TRPM3: variants seen among roughly 807,000 people sequenced by gnomAD.
TRPM3 encodes transient receptor potential cation channel subfamily M member 3.
In TRPM3, 77 loss-of-function variants were observed where a neutral mutation model predicts 181.2. The ratio of observed to expected loss-of-function variants is 0.42; its 90% CI spans 0.35 to 0.51. The LOEUF (loss-of-function observed/expected upper bound fraction) is 0.51. Ranked by LOEUF, TRPM3 falls within the 20% of genes least tolerant of loss-of-function variation. The pLI, the probability that TRPM3 is intolerant of heterozygous loss-of-function variation, is 0.01. For missense variants in TRPM3, 1,759 were observed against 2,196.7 expected (o/e 0.80, Z 3.98); for synonymous variants, 745 against 796.4 (o/e 0.94, Z 1.09).
chr9:71,398,979 C>G (rs2093268820), intron 1 of TRPM3, among the ~76,000 whole-genome samples: 1 of 151,984 alleles, frequency 6.6e-6, no homozygotes, highest in East Asian at 1.9e-4. Flanking sequence ...TACTATTAAT[C>G]AGTAAAATGA....
chr9:71,370,682 T>A (rs922367490), intron 1 of TRPM3, among the ~76,000 whole-genome samples: 3 of 152,206 alleles, frequency 2.0e-5, no homozygotes, highest in South Asian at 2.1e-4. Context: ...CAAGTGCCAA[T>A]GTAGAAGCTG....
chr9:70,925,553 C>A (rs1486743552), intron 1 of TRPM3, among the ~76,000 whole-genome samples: 1 of 151,768 alleles, frequency 6.6e-6, no homozygotes, highest in African/African-American at 2.4e-5. Flanking sequence ...TATATATATC[C>A]TCCTGTCTAT....
intron 20 of TRPM3, among the ~76,000 whole-genome samples, chr9:70,602,106 C>CTTTTTTTTTTTT: frequency 7.8e-6 from 1 of 128,202 alleles, no homozygotes; most frequent in South Asian, 2.4e-4. Context: ...CAAGGCATTC[C>CTTTTTTTTTTTT]TTTTTTTTTT....
At chr9:70,576,627 G>A (rs1317189337) in intron 22 of TRPM3, among the ~76,000 whole-genome samples, 2 of 151,366 alleles carry the variant, frequency 1.3e-5, no homozygotes, top group Admixed American at 6.6e-5. Flanking sequence ...TGGTTTTCCT[G>A]CCTCAGTCTC....
At chr9:71,275,356 TA>T (rs2084116470) in intron 1 of TRPM3, among the ~76,000 whole-genome samples, 1 of 152,242 alleles carries the variant, frequency 6.6e-6, no homozygotes, top group African/African-American at 2.4e-5. Flanking sequence ...GTGAAAATTG[TA>T]ACATTTTATT....
Position 70,846,529 on chromosome 9 carries a change from C to T in TRPM3, c.525G>A (p.Trp175Ter), listed in dbSNP as rs1246650965. The stretch of plus-strand genomic sequence containing the variant: ...TGAGAAGCTTGGGAAGCTCCAACTG[C>T]CATTCCTTGGTCATCAGGTGTAAGA... ...DLLLHLMTKE[W>*]QLELPKLLIS... Residue 175 changes from tryptophan (W) to a stop codon, truncating the protein, a stop_gained, in exon 4 of 26, where the codon TGG becomes TGA. Transcript: ENST00000677713. LOFTEE classifies it high-confidence loss of function. 3 of 1,614,132 alleles carry T rather than the reference C, an allele frequency of 1.9e-6. No individual in the cohort carries two copies. Among genetic ancestry groups the T allele is most frequent in the Non-Finnish European group, 2.5e-6 (3 of 1,180,018 alleles).
In TRPM3 at chr9:70,610,726, C is replaced by G; in HGVS notation, c.2550G>C (p.Gly850=). 1 of 1,614,098 alleles carries G rather than the reference C, an allele frequency of 6.2e-7. No homozygotes were observed. Reference sequence around the variant, plus strand: ...CTTCATCCTTCTTCCTGGAGGACTCCCCGTTGTTTCGTCCCAACATTGCCT... The same window carrying G: ...CTTCATCCTTCTTCCTGGAGGACTCGCCGTTGTTTCGTCCCAACATTGCCT... The part of the protein sequence containing the change: ...ELTAMLGRNN[G]ESSRKKDEEE... The change falls in exon 19 of 26, where the codon GGG becomes GGC. Residue 850 remains glycine, a synonymous_variant. Coordinates refer to ENST00000677713, the MANE Select transcript of TRPM3 (RefSeq NM_001366145.2).
chr9:71,121,683 G>A, upstream of TRPM3: 2 of 1,085,378 alleles, frequency 1.8e-6, no homozygotes, highest in African/African-American at 1.6e-5. Context: ...GGGGAACCGG[G>A]GCCATTGCTT....
intron 8 of TRPM3, among the ~76,000 whole-genome samples, chr9:70,741,839 G>A (rs185491185): frequency 1.3e-5 from 2 of 152,234 alleles, no homozygotes; most frequent in East Asian, 1.9e-4. Context: ...TGGGAAGGGG[G>A]TGAGGGATAA....
chr9:70,578,414 C>A (rs1480464587), intron 22 of TRPM3, among the ~76,000 whole-genome samples: 1 of 151,854 alleles, frequency 6.6e-6, no homozygotes, highest in African/African-American at 2.4e-5. Context: ...AATTCTAAAT[C>A]ATAGGTTAAG....
At chr9:71,394,219 T>C (rs868857066) in intron 1 of TRPM3, among the ~76,000 whole-genome samples, 2 of 152,184 alleles carry the variant, frequency 1.3e-5, no homozygotes, top group South Asian at 4.1e-4. Flanking sequence ...AAATATTCTA[T>C]TATTGATGCA....
chr9:71,233,868 C>T (rs551384481), intron 1 of TRPM3, among the ~76,000 whole-genome samples: 29 of 152,292 alleles, frequency 1.9e-4, no homozygotes, highest in Admixed American at 5.9e-4. Flanking sequence ...GAATAAAATC[C>T]GGTTGACCTA....
intron 1 of TRPM3, among the ~76,000 whole-genome samples, chr9:71,434,372 C>A (rs73472662): frequency 0.019 from 2,941 of 152,164 alleles, 92 homozygotes; most frequent in African/African-American, 0.067. Context: ...CAAAAGACAG[C>A]CACCTAGGAA....
chr9:71,134,398 AAAAATTAGCTG>A (rs561595993), intron 1 of TRPM3, among the ~76,000 whole-genome samples: 19 of 152,050 alleles, frequency 1.2e-4, no homozygotes, highest in African/African-American at 4.3e-4. Flanking sequence ...CTAAAAATAC[AAAAATTAGCTG>A]GGTGTGATGG....
intron 1 of TRPM3, among the ~76,000 whole-genome samples, chr9:71,111,060 T>C (rs2070961043): frequency 6.6e-6 from 1 of 152,194 alleles, no homozygotes. Context: ...CTGAAAAATA[T>C]GCTCTGCTTT....
chr9:71,075,556 G>C (rs1392347642), intron 1 of TRPM3, among the ~76,000 whole-genome samples: 1 of 152,110 alleles, frequency 6.6e-6, no homozygotes, highest in Non-Finnish European at 1.5e-5. Context: ...TTGGTAGACT[G>C]AATTTAAATA....
intron 1 of TRPM3, among the ~76,000 whole-genome samples, chr9:71,183,311 A>G (rs1011530275): frequency 3.3e-5 from 5 of 152,142 alleles, no homozygotes; most frequent in African/African-American, 4.8e-5. Flanking sequence ...CTCTAAGGAT[A>G]ATGAACGTAG....
intron 1 of TRPM3, among the ~76,000 whole-genome samples, chr9:71,315,861 T>C (rs1057166567): frequency 1.3e-5 from 2 of 152,156 alleles, no homozygotes; most frequent in African/African-American, 4.8e-5. Context: ...TATTATAGTT[T>C]TATCTATTTA....
intron 1 of TRPM3, among the ~76,000 whole-genome samples, chr9:71,113,470 G>T (rs1344454914): frequency 2.0e-5 from 3 of 152,104 alleles, no homozygotes; most frequent in Non-Finnish European, 4.4e-5. Context: ...CACTTGATTA[G>T]GGCAGCAGTT....
Sources: gnomAD v4.1 joint callset for allele counts (sites outside exome capture counted in the v4.1 genomes callset) on GRCh38, gnomAD v4.1.1 for gene constraint, MANE v1.5 for transcripts, NCBI Gene and HGNC (gene_info 2026-07-23, HGNC 2026-07-21) for gene names.